NAV2: variants seen among roughly 807,000 people sequenced by gnomAD.
NAV2 encodes helicase, APC down-regulated 1.
Under a neutral mutation model 223.2 loss-of-function variants are expected in NAV2, and 54 were observed. That is an observed-to-expected ratio of 0.24 (90% CI 0.19 to 0.30). NAV2 has a LOEUF of 0.30. Ranked by LOEUF, NAV2 falls within the 10% of genes least tolerant of loss-of-function variation. The pLI is 1.00. For synonymous variants in NAV2, 1,279 were observed against 1,239.3 expected (o/e 1.03, Z -0.67); for missense variants, 2,806 against 3,147.5 (o/e 0.89, Z 2.60).
rs1489148421 is a variant in NAV2 at position 19,390,089 on chromosome 11, A to T, written c.75+39062A>T. 1.3e-5 allele frequency among the ~76,000 whole-genome samples: 2 copies of T among 152,204 alleles called. 1 individual carries two copies. Among genetic ancestry groups the T allele is most frequent in the Admixed American group, 1.3e-4 (2 of 15,282 alleles). On this transcript the variant is annotated intron_variant, in intron 1 of 37. Transcript: ENST00000360655. ...AGGCTCATAAATTTGTGGATGGTTT[A>T]CATGTGAAGCCTGATTGCATGATAA...
chr11:19,400,544 T>C (rs1326105081), intron 1 of NAV2, among the ~76,000 whole-genome samples: 1 of 152,202 alleles, frequency 6.6e-6, no homozygotes, highest in Admixed American at 6.5e-5. Context: ...GCATCAACTC[T>C]GGCTAATTGT....
chr11:19,855,656 C>T (rs147459902), intron 3 of NAV2, among the ~76,000 whole-genome samples: 129 of 152,266 alleles, frequency 8.5e-4, no homozygotes, highest in African/African-American at 2.5e-3. Flanking sequence ...TGAGGGACTA[C>T]TTGTGCATGC....
intron 1 of NAV2, among the ~76,000 whole-genome samples, chr11:19,380,330 T>A (rs1848794653): frequency 1.3e-5 from 2 of 152,216 alleles, no homozygotes; most frequent in Non-Finnish European, 2.9e-5. Flanking sequence ...AGATATTTCA[T>A]CCCTGTGGTT....
In NAV2 at chr11:19,879,985, G is replaced by A. The variant is rs145882909; in HGVS notation, c.628G>A (p.Val210Ile). 4.5e-5 allele frequency: 72 copies of A among 1,613,714 alleles called. No individual in the cohort carries two copies. The highest frequency in any genetic ancestry group is 3.3e-4 in the Middle Eastern group (2 of 6,062). The change falls in exon 5 of 38, where the codon GTA (valine) becomes ATA (isoleucine). Residue 210 changes from valine (V) to isoleucine (I), a missense_variant. This residue lies in a region of NAV2 where 1,167 missense variants were observed against 1,180.5 expected (regional missense o/e 0.99). Coordinates refer to ENST00000349880, the MANE Select transcript of NAV2 (RefSeq NM_145117.5). Reference protein sequence around the residue: ...QHLSSPLPPAVSQVAGAPSQC... With the variant: ...QHLSSPLPPAISQVAGAPSQC... ...CCTCTCCTCACCTCTGCCGCCCGCCGTATCCCAGGTGGCCGGGGCCCCCTC... is the reference window on the plus strand; with the variant it reads ...CCTCTCCTCACCTCTGCCGCCCGCCATATCCCAGGTGGCCGGGGCCCCCTC...
intron 1 of NAV2, among the ~76,000 whole-genome samples, chr11:19,591,621 A>G (rs1288642465): frequency 2.6e-5 from 4 of 152,210 alleles, no homozygotes; most frequent in African/African-American, 9.7e-5. Context: ...CTAGGGGGAA[A>G]GATCAATTAG....
intron 1 of NAV2, among the ~76,000 whole-genome samples, chr11:19,759,411 C>G (rs2054541419): frequency 6.6e-6 from 1 of 152,156 alleles, no homozygotes; most frequent in African/African-American, 2.4e-5. Context: ...TAATGATAAT[C>G]TTGTCTAACA....
At chr11:19,527,500 T>C (rs1471951608) in intron 1 of NAV2, among the ~76,000 whole-genome samples, 1 of 152,120 alleles carries the variant, frequency 6.6e-6, no homozygotes, top group African/African-American at 2.4e-5. Context: ...CCTTTAACTT[T>C]CCCAAGTCTG....
At chr11:19,502,884 G>A (rs2043003286) in intron 1 of NAV2, 1 of 152,168 alleles carries the variant, frequency 6.6e-6, no homozygotes, top group Non-Finnish European at 1.5e-5. Context: ...CAAACTGCCA[G>A]CTTCATAAGT....
chr11:19,951,759 AC>A (rs1421675115), intron 10 of NAV2, among the ~76,000 whole-genome samples: 1 of 152,204 alleles, frequency 6.6e-6, no homozygotes, highest in Admixed American at 6.5e-5. Flanking sequence ...CAGAGCCTTT[AC>A]CTTTGCTTAA....
At chr11:19,985,739 G>C (rs1356895197) in intron 11 of NAV2, among the ~76,000 whole-genome samples, 1 of 152,034 alleles carries the variant, frequency 6.6e-6, no homozygotes, top group African/African-American at 2.4e-5. Flanking sequence ...AGCATGCCCA[G>C]CTAATTTTGA....
At chr11:19,433,864 GA>G (rs1195086543) in intron 1 of NAV2, among the ~76,000 whole-genome samples, 1 of 152,192 alleles carries the variant, frequency 6.6e-6, no homozygotes, top group Non-Finnish European at 1.5e-5. Context: ...CTGTATTAGA[GA>G]AAAGTCTCAA....
At chr11:19,829,363 C>T (rs911836712) in intron 1 of NAV2, among the ~76,000 whole-genome samples, 5 of 152,138 alleles carry the variant, frequency 3.3e-5, no homozygotes, top group Non-Finnish European at 7.4e-5. Context: ...TTTGTTATTC[C>T]AGGTAGGGGA....
chr11:19,743,006 G>A (rs1479554358), intron 1 of NAV2, among the ~76,000 whole-genome samples: 1 of 152,218 alleles, frequency 6.6e-6, no homozygotes. Flanking sequence ...CTCACAGTGC[G>A]GAAGGCAAAA....
At chr11:19,586,715 T>C (rs1590614043) in intron 1 of NAV2, among the ~76,000 whole-genome samples, 2 of 152,372 alleles carry the variant, frequency 1.3e-5, no homozygotes, top group East Asian at 3.9e-4. Context: ...ACAGCAAATG[T>C]TGCTGCCTGA....
intron 1 of NAV2, among the ~76,000 whole-genome samples, chr11:19,372,383 C>T (rs759593584): frequency 6.6e-6 from 1 of 152,194 alleles, no homozygotes; most frequent in African/African-American, 2.4e-5. Flanking sequence ...CTCTGCTGCC[C>T]CATCCACTGG....
intron 10 of NAV2, among the ~76,000 whole-genome samples, chr11:19,954,654 G>T (rs561595127): frequency 9.9e-5 from 15 of 151,978 alleles, no homozygotes; most frequent in African/African-American, 3.6e-4. Context: ...AGGGTGCTTC[G>T]TGCTCTCATG....
At chr11:19,501,101 C>A (rs2134151618) in intron 1 of NAV2, among the ~76,000 whole-genome samples, 1 of 152,226 alleles carries the variant, frequency 6.6e-6, no homozygotes, top group South Asian at 2.1e-4. Flanking sequence ...TCAAAGTCAG[C>A]AACCTTGCCT....
At chr11:19,980,104 A>C (rs6483627) in intron 10 of NAV2, among the ~76,000 whole-genome samples, 10 of 152,032 alleles carry the variant, frequency 6.6e-5, no homozygotes, top group African/African-American at 2.2e-4. Context: ...GGGTCTAACA[A>C]CAGTCATGTT....
chr11:19,358,539 A>C (rs1210656201), intron 1 of NAV2, among the ~76,000 whole-genome samples: 3 of 151,992 alleles, frequency 2.0e-5, no homozygotes, highest in Non-Finnish European at 2.9e-5. Flanking sequence ...CAGCACCTAC[A>C]CTCCCTTGAA....
Sources: gnomAD v4.1 joint callset for allele counts (sites outside exome capture counted in the v4.1 genomes callset) on GRCh38, gnomAD v4.1.1 for gene constraint, gnomAD v4.1.1 regional missense constraint, MANE v1.5 for transcripts, NCBI Gene and HGNC (gene_info 2026-07-23, HGNC 2026-07-21) for gene names.